PPFIA2: variants seen among roughly 807,000 people sequenced by gnomAD.
The protein encoded by PPFIA2 is liprin-alpha-2.
PPFIA2 carries 46 observed loss-of-function variants against 175.5 expected under a neutral mutation model. That is an observed-to-expected ratio of 0.26 (90% CI 0.21 to 0.34). PPFIA2 has a LOEUF of 0.34. Ranked by LOEUF, PPFIA2 falls within the 10% of genes least tolerant of loss-of-function variation. The probability of loss-of-function intolerance (pLI) is 1.00; values close to 1 mark genes in which losing one functional copy is unlikely to be tolerated. For missense variants in PPFIA2, 1,179 were observed against 1,506.1 expected, an observed-to-expected ratio of 0.78 and a Z score of 3.60; for synonymous variants, 568 against 511.4, an observed-to-expected ratio of 1.11 and a Z score of -1.49.
chr12:81,265,235 G>A (rs1325008198), intron 30 of PPFIA2, among the ~76,000 whole-genome samples: 2 of 141,914 alleles, frequency 1.4e-5, no homozygotes, highest in African/African-American at 2.6e-5. Flanking sequence ...GGAGGTTGTG[G>A]TGAGCCGAGA....
At chr12:81,547,924 A>G (rs1039774864) in intron 4 of PPFIA2, among the ~76,000 whole-genome samples, 36 of 152,226 alleles carry the variant, frequency 2.4e-4, no homozygotes, top group African/African-American at 8.7e-4. Flanking sequence ...TTAAATAATG[A>G]AAACTTTAAT....
At chr12:81,388,703 GA>G (rs1180789252) in intron 8 of PPFIA2, among the ~76,000 whole-genome samples, 1 of 151,818 alleles carries the variant, frequency 6.6e-6, no homozygotes, top group Non-Finnish European at 1.5e-5. Context: ...TTTTTATTTT[GA>G]AAAATGTTTC....
At chr12:81,471,842 T>C (rs1268701219) in intron 4 of PPFIA2, among the ~76,000 whole-genome samples, 1 of 152,166 alleles carries the variant, frequency 6.6e-6, no homozygotes, top group Non-Finnish European at 1.5e-5. Context: ...AAAATAGCCA[T>C]TCTAACAGGT....
rs144643509 is a variant in PPFIA2, at chr12:81,425,406, G to A, written c.645+14566C>T. Among the ~76,000 whole-genome samples, 449 of 152,180 alleles carry A rather than the reference G, an allele frequency of 3.0e-3. 6 individuals are homozygous for A. The highest frequency in any genetic ancestry group is 1.0e-2 in the African/African-American group (415 of 41,548). ...GTCACCCAGGATGGAATGCAGTGGCGCAATCTTGGCTCACTGCAACCTCCA... is the reference window on the plus strand; with the variant it reads ...GTCACCCAGGATGGAATGCAGTGGCACAATCTTGGCTCACTGCAACCTCCA... On this transcript the variant is annotated intron_variant, in intron 7 of 32. Coordinates refer to ENST00000549396, the MANE Select transcript of PPFIA2 (RefSeq NM_003625.5).
chr12:81,546,081 G>T (rs946044313), intron 4 of PPFIA2: 1 of 134,484 alleles, frequency 7.4e-6, no homozygotes, highest in Non-Finnish European at 1.5e-5. Flanking sequence ...TCAAGATCAC[G>T]CCACTGCACT....
intron 7 of PPFIA2, among the ~76,000 whole-genome samples, chr12:81,422,092 A>T (rs2046347432): frequency 8.0e-6 from 1 of 125,420 alleles, no homozygotes; most frequent in Non-Finnish European, 1.6e-5. Flanking sequence ...ATATGTGTAT[A>T]TATATGTGTG....
chr12:81,481,525 T>G (rs968078372), intron 4 of PPFIA2, among the ~76,000 whole-genome samples: 4 of 152,130 alleles, frequency 2.6e-5, no homozygotes, highest in African/African-American at 9.7e-5. Context: ...AACATCATGG[T>G]ACTGGTACCA....
intron 3 of PPFIA2, among the ~76,000 whole-genome samples, chr12:81,732,901 A>G (rs1309126022): frequency 6.6e-6 from 1 of 151,562 alleles, no homozygotes; most frequent in African/African-American, 2.4e-5. Flanking sequence ...ACAACTTCCA[A>G]GAACAGACCC....
intron 22 of PPFIA2, among the ~76,000 whole-genome samples, chr12:81,320,583 T>C (rs1215069074): frequency 6.6e-6 from 1 of 152,058 alleles, no homozygotes; most frequent in Non-Finnish European, 1.5e-5. Flanking sequence ...AACATTCGTA[T>C]GATATCTTTC....
At chr12:81,582,688 G>A (rs1402070833) in intron 4 of PPFIA2, among the ~76,000 whole-genome samples, 2 of 151,500 alleles carry the variant, frequency 1.3e-5, no homozygotes, top group African/African-American at 4.8e-5. Flanking sequence ...ACTTAATAGT[G>A]CAAAATATAT....
intron 4 of PPFIA2, among the ~76,000 whole-genome samples, chr12:81,463,712 G>C (rs761068120): frequency 6.6e-6 from 1 of 151,966 alleles, no homozygotes; most frequent in African/African-American, 2.4e-5. Flanking sequence ...TAAAGTCCCT[G>C]CTCTTGATAT....
At chr12:81,608,148 T>C (rs2060519345) in intron 4 of PPFIA2, among the ~76,000 whole-genome samples, 1 of 152,130 alleles carries the variant, frequency 6.6e-6, no homozygotes, top group African/African-American at 2.4e-5. Context: ...TCAAGCCCAC[T>C]TGATTGTGGT....
At chr12:81,715,291 A>ATC (rs1391664747) in intron 3 of PPFIA2, among the ~76,000 whole-genome samples, 3 of 151,812 alleles carry the variant, frequency 2.0e-5, no homozygotes, top group African/African-American at 7.2e-5. Context: ...CCATTTATTA[A>ATC]TCTTAAGAGA....
At chr12:81,662,682 TCCTC>T (rs1313014948) in intron 4 of PPFIA2, among the ~76,000 whole-genome samples, 1 of 151,904 alleles carries the variant, frequency 6.6e-6, no homozygotes, top group Non-Finnish European at 1.5e-5. Flanking sequence ...AAAGAAGTAA[TCCTC>T]CCTAACTCAT....
intron 24 of PPFIA2, chr12:81,292,668 T>G (rs531452361): frequency 6.6e-6 from 1 of 152,268 alleles, no homozygotes; most frequent in Non-Finnish European, 1.5e-5. Context: ...CAGTAAGGCT[T>G]CCAGTCAACA....
intron 4 of PPFIA2, among the ~76,000 whole-genome samples, chr12:81,521,644 T>A (rs1440945849): frequency 5.4e-4 from 59 of 109,106 alleles, no homozygotes; most frequent in Admixed American, 7.3e-4. Flanking sequence ...GGATCTCTAA[T>A]AAAATACAAA....
intron 4 of PPFIA2, among the ~76,000 whole-genome samples, chr12:81,660,391 G>C (rs28803893): frequency 6.6e-6 from 1 of 151,990 alleles, no homozygotes; most frequent in East Asian, 1.9e-4. Context: ...CGAGAACTAC[G>C]TGACAAATGC....
intron 24 of PPFIA2, among the ~76,000 whole-genome samples, chr12:81,285,052 T>C (rs990314852): frequency 2.6e-5 from 4 of 152,204 alleles, no homozygotes; most frequent in African/African-American, 9.6e-5. Context: ...AATAATTTTT[T>C]TTCTCTAGCA....
At chr12:81,458,733 A>C (rs2054015918) in intron 4 of PPFIA2, among the ~76,000 whole-genome samples, 1 of 152,188 alleles carries the variant, frequency 6.6e-6, no homozygotes. Flanking sequence ...TTTAATAAGA[A>C]GACCAAAAAA....
Sources: gnomAD v4.1 joint callset for allele counts (sites outside exome capture counted in the v4.1 genomes callset) on GRCh38, gnomAD v4.1.1 for gene constraint, MANE v1.5 for transcripts, NCBI Gene and HGNC (gene_info 2026-07-23, HGNC 2026-07-21) for gene names.